REEP3: variants seen among roughly 807,000 people sequenced by gnomAD.
The protein encoded by REEP3 is receptor expression-enhancing protein 3.
Under a neutral mutation model 41.3 loss-of-function variants are expected in REEP3, and 20 were observed. The observed-to-expected ratio is 0.48, with a 90% CI of 0.34 to 0.70. The LOEUF is 0.70. Among genes scored for constraint, REEP3 ranks in the 30% least tolerant of loss-of-function variants. The pLI is 0.01. For missense variants in REEP3, 271 were observed against 308.8 expected (o/e 0.88, Z 0.92); for synonymous variants, 104 against 101.8 (o/e 1.02, Z -0.13).
chr10:63,610,391 A>G (rs1956268550), intron 6 of REEP3, 57 bp downstream of exon 6: 3 of 1,507,490 alleles, frequency 2.0e-6, no homozygotes, highest in African/African-American at 1.4e-5. Flanking sequence ...GAGGGGAACA[A>G]CATACACTGG....
chr10:63,595,761 A>T (rs1373065575), intron 3 of REEP3, among the ~76,000 whole-genome samples: 1 of 152,166 alleles, frequency 6.6e-6, no homozygotes, highest in African/African-American at 2.4e-5. Context: ...TATTTTTAAT[A>T]GAGACGGGGT....
chr10:63,521,619 A>G (rs1335029158), intron 1 of REEP3, 42 bp downstream of exon 1: 2 of 1,355,490 alleles, frequency 1.5e-6, no homozygotes, highest in South Asian at 1.6e-5. Flanking sequence ...CGCGAGGCCC[A>G]GGGGAGCTGT....
At chr10:63,569,763 G>A (rs1466323986) in intron 2 of REEP3, among the ~76,000 whole-genome samples, 1 of 152,072 alleles carries the variant, frequency 6.6e-6, no homozygotes, top group Non-Finnish European at 1.5e-5. Flanking sequence ...CCAACATGGT[G>A]AAACCCCGTC....
intron 2 of REEP3, among the ~76,000 whole-genome samples, chr10:63,572,057 A>G (rs1167850555): frequency 6.6e-6 from 1 of 152,200 alleles, no homozygotes; most frequent in African/African-American, 2.4e-5. Context: ...AAGAAGGACA[A>G]TCAGGCAGCT....
intron 1 of REEP3, among the ~76,000 whole-genome samples, chr10:63,557,296 A>T (rs7070761): frequency 0.47 from 71,693 of 151,992 alleles, 17,192 homozygotes; most frequent in Middle Eastern, 0.55. Flanking sequence ...ATAGAATAGA[A>T]GTATATAACT....
intron 2 of REEP3, among the ~76,000 whole-genome samples, chr10:63,589,421 T>C (rs1312983739): frequency 6.6e-6 from 1 of 152,198 alleles, no homozygotes; most frequent in Non-Finnish European, 1.5e-5. Context: ...ATCTCTGGCC[T>C]CCTTTGGGTT....
At chr10:63,590,652 A>G (rs1401756062) in intron 2 of REEP3, among the ~76,000 whole-genome samples, 1 of 152,184 alleles carries the variant, frequency 6.6e-6, no homozygotes, top group Non-Finnish European at 1.5e-5. Flanking sequence ...ATGAACTGTC[A>G]TCTGGGTTGA....
At chr10:63,595,335 C>G (rs970719712) in intron 3 of REEP3, among the ~76,000 whole-genome samples, 1 of 152,162 alleles carries the variant, frequency 6.6e-6, no homozygotes, top group Admixed American at 6.5e-5. Context: ...TCCAAATAGA[C>G]GAGGCAAAAT....
At chr10:63,604,961 G>A (rs1956209952) in intron 5 of REEP3, among the ~76,000 whole-genome samples, 1 of 152,066 alleles carries the variant, frequency 6.6e-6, no homozygotes, top group Non-Finnish European at 1.5e-5. Context: ...CCCTTACCAC[G>A]GGACATTTTA....
Position 63,521,562 on chromosome 10 carries a change from T to C in REEP3, c.17T>C (p.Ile6Thr). 1 of 1,433,770 alleles carries C rather than the reference T, an allele frequency of 7.0e-7. No homozygotes were observed. The highest frequency in any genetic ancestry group is 9.2e-7 in the Non-Finnish European group (1 of 1,082,374). The allele number at this position is 1,433,770 out of a possible 1,614,324, so 88.8% of individuals were successfully genotyped here. ...CCCGTGAAGATGGTGTCCTGGATGA[T>C]CTCCAGAGCCGTGGTGTAAGTGCCT... Reference protein sequence around the residue: MVSWMISRAVVLVFGM... With the variant: MVSWMTSRAVVLVFGM... Residue 6 changes from isoleucine (I) to threonine (T), a missense_variant, in exon 1 of 8, where the codon ATC becomes ACC. Physicochemically the swap from Ile to Thr is moderately conservative, Grantham distance 89. Coordinates refer to ENST00000373758, the MANE Select transcript of REEP3 (RefSeq NM_001001330.3).
At chr10:63,525,014 A>G (rs915120747) in intron 1 of REEP3, among the ~76,000 whole-genome samples, 1 of 148,034 alleles carries the variant, frequency 6.8e-6, no homozygotes, top group African/African-American at 2.4e-5. Flanking sequence ...TCTGTCTCAA[A>G]AAAAAAAAAA....
intron 2 of REEP3, among the ~76,000 whole-genome samples, chr10:63,569,196 T>C (rs1955831056): frequency 6.6e-6 from 1 of 152,072 alleles, no homozygotes; most frequent in Non-Finnish European, 1.5e-5. Flanking sequence ...ACCATGAAAA[T>C]ATGAGTTGAA....
chr10:63,623,249 T>A lies in REEP3; in HGVS notation c.*2380T>A, dbSNP rs982910470. ...CTGTTGATATCATTTTACTCTTCTT[T>A]CTCTTCTACATTTCTTAAATTTTGG... On this transcript the variant is annotated 3_prime_UTR_variant, in exon 8 of 8. Coordinates refer to ENST00000373758, the MANE Select transcript of REEP3 (RefSeq NM_001001330.3). 2 of 152,222 alleles carry A rather than the reference T, an allele frequency of 1.3e-5. No homozygotes were observed. The highest frequency in any genetic ancestry group is 4.8e-5 in the African/African-American group (2 of 41,464). The allele number at this position is 152,222 out of a possible 1,614,324, so 9.4% of individuals were successfully genotyped here. A position where few individuals can be genotyped will look rare whatever the true frequency, so the allele number is the denominator to read the frequency against.
chr10:63,595,096 G>A (rs1016152930), intron 3 of REEP3, among the ~76,000 whole-genome samples: 1 of 152,116 alleles, frequency 6.6e-6, no homozygotes, highest in Non-Finnish European at 1.5e-5. Context: ...CCTTCCCCCA[G>A]TATCTTGGAA....
intron 2 of REEP3, among the ~76,000 whole-genome samples, chr10:63,578,340 C>T (rs575717954): frequency 5.9e-5 from 9 of 152,252 alleles, no homozygotes; most frequent in Admixed American, 2.6e-4. Flanking sequence ...CCTCGTGATC[C>T]GCCTGCCTCA....
At chr10:63,604,761 T>C (rs1007850946) in intron 5 of REEP3, among the ~76,000 whole-genome samples, 6 of 152,206 alleles carry the variant, frequency 3.9e-5, no homozygotes, top group African/African-American at 1.4e-4. Context: ...GCTACAGCAA[T>C]TGAGTTAATC....
intron 2 of REEP3, among the ~76,000 whole-genome samples, chr10:63,579,883 T>G (rs980524973): frequency 5.3e-5 from 8 of 152,074 alleles, no homozygotes; most frequent in Non-Finnish European, 7.4e-5. Context: ...ACCAGAAAAC[T>G]CAACTGCTAC....
rs1010841449 is a variant in REEP3, at chr10:63,622,912, G to A, written c.*2043G>A. ...AGTAGAGACAGGGTTTAACCATGTT[G>A]CCCAGGATGGTCTCCATCTCTTGAC... On this transcript the variant is annotated 3_prime_UTR_variant, in exon 8 of 8. Transcript: ENST00000373758. 1 of 151,650 alleles carries A rather than the reference G, an allele frequency of 6.6e-6. No individual in the cohort carries two copies. The highest frequency in any genetic ancestry group is 1.5e-5 in the Non-Finnish European group (1 of 67,926). 9.4% of individuals were successfully genotyped at this position (151,650 alleles called of 1,614,324 possible).
intron 6 of REEP3, among the ~76,000 whole-genome samples, chr10:63,617,169 A>G (rs574203703): frequency 2.4e-4 from 36 of 152,250 alleles, no homozygotes; most frequent in African/African-American, 8.2e-4. Context: ...GAACACACAC[A>G]CTTCCTTGGA....
Sources: gnomAD v4.1 joint callset for allele counts (sites outside exome capture counted in the v4.1 genomes callset) on GRCh38, gnomAD v4.1.1 for gene constraint, MANE v1.5 for transcripts, NCBI Gene and HGNC (gene_info 2026-07-23, HGNC 2026-07-21) for gene names.